NTM: variants seen among roughly 807,000 people sequenced by gnomAD.
The protein encoded by NTM is IgLON family member 2.
In NTM, 13 loss-of-function variants were observed where a neutral mutation model predicts 42.1. The ratio of observed to expected loss-of-function variants is 0.31; its 90% CI spans 0.20 to 0.49. The LOEUF (loss-of-function observed/expected upper bound fraction) is 0.49, where lower values mean the gene tolerates loss of function less well. NTM is among the 20% of genes least tolerant of loss of function. The pLI is 0.99. For synonymous variants in NTM, 187 were observed against 179.2 expected, an observed-to-expected ratio of 1.04 and a Z score of -0.35; for missense variants, 373 against 452.8, an observed-to-expected ratio of 0.82 and a Z score of 1.60.
At chr11:131,449,766 G>T (rs1399848014) in intron 1 of NTM, among the ~76,000 whole-genome samples, 1 of 152,180 alleles carries the variant, frequency 6.6e-6, no homozygotes, top group Non-Finnish European at 1.5e-5. Context: ...CAGGACTGGA[G>T]AGGCCTTGGA....
chr11:131,714,237 AGAGTACAGTGGC>A (rs752551235), intron 1 of NTM, among the ~76,000 whole-genome samples: 18 of 152,070 alleles, frequency 1.2e-4, no homozygotes, highest in Non-Finnish European at 2.1e-4. Flanking sequence ...CACTCAGGCT[AGAGTACAGTGGC>A]GTGATCTTGG....
At chr11:131,604,223 G>A (rs535839135) in intron 1 of NTM, among the ~76,000 whole-genome samples, 106 of 152,084 alleles carry the variant, frequency 7.0e-4, no homozygotes, top group Non-Finnish European at 1.3e-3. Flanking sequence ...AACCTTCCTC[G>A]TGGGTGTGAA....
At chr11:132,207,219 A>T (rs1047080396) in intron 3 of NTM, among the ~76,000 whole-genome samples, 1 of 152,024 alleles carries the variant, frequency 6.6e-6, no homozygotes, top group African/African-American at 2.4e-5. Flanking sequence ...CTTCTTTTGT[A>T]TTTACAGCCA....
intron 1 of NTM, among the ~76,000 whole-genome samples, chr11:131,408,235 C>G (rs1946022305): frequency 6.6e-6 from 1 of 152,176 alleles, no homozygotes; most frequent in Non-Finnish European, 1.5e-5. Flanking sequence ...GACAAAACGC[C>G]TGTCTTCTCT....
At chr11:131,745,677 TTACTTG>T (rs2081735128) in intron 1 of NTM, among the ~76,000 whole-genome samples, 1 of 152,164 alleles carries the variant, frequency 6.6e-6, no homozygotes, top group East Asian at 1.9e-4. Context: ...TTCCATTTTG[TTACTTG>T]TAAAATTGGG....
intron 2 of NTM, among the ~76,000 whole-genome samples, chr11:131,994,017 A>AAAAAAG (rs566525065): frequency 1.4e-4 from 20 of 138,004 alleles, no homozygotes; most frequent in African/African-American, 3.7e-4. Context: ...AAAAAAAAAA[A>AAAAAAG]AAGAAGAAGA....
chr11:131,700,902 T>G (rs2076005525), intron 1 of NTM, among the ~76,000 whole-genome samples: 1 of 152,222 alleles, frequency 6.6e-6, no homozygotes, highest in Non-Finnish European at 1.5e-5. Context: ...GGCTGCAGGT[T>G]TTGTCTCTGG....
At chr11:131,914,944 C>T (rs116727190) in intron 2 of NTM, among the ~76,000 whole-genome samples, 210 of 152,168 alleles carry the variant, frequency 1.4e-3, no homozygotes, top group African/African-American at 4.5e-3. Flanking sequence ...ATTTTACAGA[C>T]GAGGAAACTG....
intron 1 of NTM, among the ~76,000 whole-genome samples, chr11:131,882,925 G>A (rs1367934150): frequency 6.6e-6 from 1 of 151,992 alleles, no homozygotes; most frequent in Non-Finnish European, 1.5e-5. Flanking sequence ...AAAAAGTTCA[G>A]GAAAATAACG....
chr11:131,396,698 G>A (rs1180458404), intron 1 of NTM, among the ~76,000 whole-genome samples: 4 of 152,082 alleles, frequency 2.6e-5, no homozygotes, highest in Admixed American at 2.0e-4. Flanking sequence ...GTCAGGCACT[G>A]TGGTGGGCAA....
intron 4 of NTM, among the ~76,000 whole-genome samples, chr11:132,276,155 TA>T (rs1357613393): frequency 6.6e-6 from 1 of 152,176 alleles, no homozygotes; most frequent in Admixed American, 6.6e-5. Context: ...TTCATTCATG[TA>T]ATGCAGTGAA....
chr11:132,067,872 G>A (rs1405765027), intron 2 of NTM, among the ~76,000 whole-genome samples: 1 of 152,202 alleles, frequency 6.6e-6, no homozygotes, highest in East Asian at 1.9e-4. Context: ...GGAATTTTGG[G>A]AGTCTAGCAA....
intron 1 of NTM, among the ~76,000 whole-genome samples, chr11:131,754,192 T>C (rs2082984739): frequency 1.3e-5 from 2 of 149,702 alleles, no homozygotes; most frequent in Admixed American, 1.3e-4. Context: ...AAATGACGAG[T>C]TACTGGGTGC....
intron 1 of NTM, among the ~76,000 whole-genome samples, chr11:131,846,104 G>A (rs562589365): frequency 4.6e-5 from 7 of 151,932 alleles, no homozygotes; most frequent in African/African-American, 9.7e-5. Context: ...TTGATTTTCC[G>A]TGCTTTAATT....
At chr11:132,104,987 A>G (rs1431922212) in intron 2 of NTM, among the ~76,000 whole-genome samples, 1 of 105,176 alleles carries the variant, frequency 9.5e-6, no homozygotes, top group African/African-American at 3.5e-5. Flanking sequence ...ATATATATAT[A>G]TATATTTCAT....
At chr11:131,510,294 G>A (rs1039099339) in intron 1 of NTM, among the ~76,000 whole-genome samples, 3 of 152,150 alleles carry the variant, frequency 2.0e-5, no homozygotes, top group African/African-American at 7.2e-5. Flanking sequence ...CTGGCTCCCT[G>A]GCCCTGTACT....
intron 1 of NTM, among the ~76,000 whole-genome samples, chr11:131,494,277 G>T (rs1005322810): frequency 2.6e-5 from 4 of 152,278 alleles, no homozygotes; most frequent in African/African-American, 9.6e-5. Context: ...AATAAGCCAT[G>T]ATATTGACCC....
chr11:132,243,814 C>T (rs1266559193), intron 4 of NTM, among the ~76,000 whole-genome samples: 4 of 152,176 alleles, frequency 2.6e-5, no homozygotes, highest in African/African-American at 7.2e-5. Flanking sequence ...CAGTAGTCCA[C>T]AAGAGGGCTA....
intron 2 of NTM, among the ~76,000 whole-genome samples, chr11:131,931,804 G>C (rs1269343975): frequency 6.6e-6 from 1 of 152,108 alleles, no homozygotes; most frequent in East Asian, 1.9e-4. Context: ...TTGGGGAGAA[G>C]TGGTGGCGGG....
Sources: gnomAD v4.1 joint callset for allele counts (sites outside exome capture counted in the v4.1 genomes callset) on GRCh38, gnomAD v4.1.1 for gene constraint, MANE v1.5 for transcripts, NCBI Gene and HGNC (gene_info 2026-07-23, HGNC 2026-07-21) for gene names.